PDGFD: variants seen among roughly 807,000 people sequenced by gnomAD.
PDGFD encodes platelet-derived growth factor D.
In PDGFD, 30 loss-of-function variants were observed where a neutral mutation model predicts 44.7. That is an observed-to-expected ratio of 0.67 (90% CI 0.50 to 0.91). PDGFD has a LOEUF of 0.91. Ranked by LOEUF, PDGFD falls within the 40% of genes least tolerant of loss-of-function variation. The pLI is 0.00. For synonymous variants in PDGFD, 173 were observed against 168.4 expected (o/e 1.03, Z -0.21); for missense variants, 445 against 457.8 (o/e 0.97, Z 0.25).
chr11:104,001,665 G>A (rs886560265), intron 1 of PDGFD, among the ~76,000 whole-genome samples: 8 of 152,134 alleles, frequency 5.3e-5, no homozygotes, highest in Non-Finnish European at 7.3e-5. Flanking sequence ...AATATTCAGA[G>A]TTCATTGCAT....
intron 1 of PDGFD, among the ~76,000 whole-genome samples, chr11:104,092,154 T>G (rs931325889): frequency 6.6e-6 from 1 of 152,134 alleles, no homozygotes. Context: ...TGTATATCAG[T>G]GCCAAAATCT....
At chr11:104,137,381 T>G (rs1209413505) in intron 1 of PDGFD, among the ~76,000 whole-genome samples, 1 of 147,070 alleles carries the variant, frequency 6.8e-6, no homozygotes, top group African/African-American at 2.5e-5. Flanking sequence ...AAAAAAAAAA[T>G]GGAATAAAGT....
chr11:104,093,990 C>A (rs1229237181), intron 1 of PDGFD, among the ~76,000 whole-genome samples: 1 of 151,620 alleles, frequency 6.6e-6, no homozygotes, highest in Non-Finnish European at 1.5e-5. Context: ...CATGTGCTGC[C>A]TGCCTTATCA....
intron 1 of PDGFD, among the ~76,000 whole-genome samples, chr11:104,018,563 A>G (rs376622948): frequency 7.2e-5 from 11 of 152,112 alleles, no homozygotes; most frequent in African/African-American, 2.7e-4. Context: ...TCTGTATAGG[A>G]AGATGTCTTT....
At position 104,164,072 on chromosome 11, in the gene PDGFD, C is replaced by G; in HGVS notation, c.-145G>C. The stretch of plus-strand genomic sequence containing the variant: ...GCTGTGCTAATCGCCGAGCTCTCCC[C>G]AAACTTCCTGCATGCTGAACTTTCC... On this transcript the variant is annotated 5_prime_UTR_variant, in exon 1 of 7. Transcript: ENST00000393158. The G allele has an allele frequency of 1.1e-6, 1 of 870,526 alleles. No homozygotes were observed. Among genetic ancestry groups the G allele is most frequent in the Non-Finnish European group, 1.6e-6 (1 of 610,086 alleles). 53.9% of individuals were successfully genotyped at this position (870,526 alleles called of 1,614,324 possible).
intron 5 of PDGFD, among the ~76,000 whole-genome samples, chr11:103,938,824 T>C (rs1281408368): frequency 6.6e-6 from 1 of 152,210 alleles, no homozygotes; most frequent in East Asian, 1.9e-4. Flanking sequence ...CCTTTCCCCA[T>C]TGCTTGTTTT....
intron 1 of PDGFD, among the ~76,000 whole-genome samples, chr11:104,142,448 T>A (rs992757705): frequency 1.3e-5 from 2 of 152,128 alleles, no homozygotes; most frequent in Non-Finnish European, 2.9e-5. Context: ...TGTGTGTGTA[T>A]ATATATAGTA....
intron 1 of PDGFD, among the ~76,000 whole-genome samples, chr11:104,002,045 C>T (rs944946481): frequency 1.3e-5 from 2 of 152,194 alleles, no homozygotes; most frequent in African/African-American, 4.8e-5. Context: ...GATGTCCCCA[C>T]TCCCTGCCTC....
At chr11:103,919,865 A>AT (rs201676542) in intron 6 of PDGFD, among the ~76,000 whole-genome samples, 3,579 of 151,976 alleles carry the variant, frequency 0.024, 108 homozygotes, top group African/African-American at 0.073. Context: ...CAAGGAAAAA[A>AT]AAAAGCTTCT....
chr11:104,011,789 G>T (rs1859790690), intron 1 of PDGFD, among the ~76,000 whole-genome samples: 1 of 151,748 alleles, frequency 6.6e-6, no homozygotes, highest in Non-Finnish European at 1.5e-5. Context: ...AAATGAGTAT[G>T]GAAAAAGAAA....
intron 3 of PDGFD, among the ~76,000 whole-genome samples, chr11:103,957,252 G>A (rs1858865281): frequency 6.6e-6 from 1 of 152,078 alleles, no homozygotes; most frequent in African/African-American, 2.4e-5. Flanking sequence ...GTAAGGAAGG[G>A]ATCCAGTTGA....
intron 1 of PDGFD, among the ~76,000 whole-genome samples, chr11:104,030,113 G>A (rs543442856): frequency 6.6e-6 from 1 of 152,276 alleles, no homozygotes; most frequent in South Asian, 2.1e-4. Flanking sequence ...AGGTGCATTT[G>A]TAACATACAT....
chr11:103,975,440 T>A (rs1489445593), intron 3 of PDGFD, among the ~76,000 whole-genome samples: 1 of 152,194 alleles, frequency 6.6e-6, no homozygotes, highest in Non-Finnish European at 1.5e-5. Flanking sequence ...ATTCTGTAGG[T>A]TGCCTGTTCA....
intron 1 of PDGFD, among the ~76,000 whole-genome samples, chr11:104,045,671 G>GTTTTTTTTTTTTTTTTTTTTTTTTTT (rs1424736218): frequency 8.1e-5 from 12 of 148,236 alleles, no homozygotes; most frequent in African/African-American, 2.7e-4. Flanking sequence ...TAGGTTTTGA[G>GTTTTTTTTTTTTTTTTTTTTTTTTTT]TTTTTTAAGA....
intron 1 of PDGFD, among the ~76,000 whole-genome samples, chr11:104,139,402 G>A (rs1480777503): frequency 6.6e-6 from 1 of 152,114 alleles, no homozygotes; most frequent in Admixed American, 6.5e-5. Flanking sequence ...CAGTTAATGG[G>A]AAAAGCTGAG....
In PDGFD at chr11:104,135,455, A is replaced by T. The variant is rs2515075; in HGVS notation, c.124+28349T>A. Reference sequence around the variant, plus strand: ...TGTATGAAATTCCAGAAATAAGAGAACATGCTATTTTCCATAAATTCTATG... The same window carrying T: ...TGTATGAAATTCCAGAAATAAGAGATCATGCTATTTTCCATAAATTCTATG... On this transcript the variant is annotated intron_variant, in intron 1 of 6. Coordinates refer to ENST00000393158, the MANE Select transcript of PDGFD (RefSeq NM_025208.5). 3.1e-3 allele frequency among the ~76,000 whole-genome samples: 478 copies of T among 152,322 alleles called. 3 individuals are homozygous for T. Among genetic ancestry groups the T allele is most frequent in the African/African-American group, 0.011 (451 of 41,582 alleles).
At chr11:104,139,315 A>G (rs1356230624) in intron 1 of PDGFD, among the ~76,000 whole-genome samples, 1 of 152,128 alleles carries the variant, frequency 6.6e-6, no homozygotes, top group Non-Finnish European at 1.5e-5. Context: ...GCTTCCTCAG[A>G]GCATAATACA....
chr11:104,063,081 C>G (rs949616000), intron 1 of PDGFD, among the ~76,000 whole-genome samples: 17 of 152,232 alleles, frequency 1.1e-4, no homozygotes, highest in Admixed American at 3.9e-4. Context: ...TTGGAAAGAA[C>G]TGGGAGACAT....
chr11:103,988,917 G>A (rs651979), intron 3 of PDGFD, among the ~76,000 whole-genome samples: 107,816 of 152,136 alleles, frequency 0.71, 38,512 homozygotes, highest in East Asian at 0.87. Flanking sequence ...TAGTAGTAAC[G>A]GAATATTTAC....
Sources: allele counts gnomAD v4.1 joint callset (sites outside exome capture counted in the v4.1 genomes callset), GRCh38; gene constraint gnomAD v4.1.1; transcripts MANE v1.5; gene names NCBI Gene and HGNC (gene_info 2026-07-23, HGNC 2026-07-21).